ZFPM1: variants seen among roughly 807,000 people sequenced by gnomAD.
The protein encoded by ZFPM1 is zinc finger protein ZFPM1.
ZFPM1 carries 28 observed loss-of-function variants against 46.3 expected under a neutral mutation model. The observed-to-expected ratio is 0.60, with a 90% confidence interval of 0.45 to 0.83. The LOEUF is 0.83. Ranked by LOEUF, ZFPM1 falls within the 40% of genes least tolerant of loss-of-function variation. The pLI, the probability that ZFPM1 is intolerant of heterozygous loss-of-function variation, is 0.00. For missense variants in ZFPM1, 1,878 were observed against 1,432.4 expected, an observed-to-expected ratio of 1.31 and a Z score of -5.02; for synonymous variants, 957 against 675.9, an observed-to-expected ratio of 1.42 and a Z score of -6.45.
chr16:88,528,131 TGAA>T lies in ZFPM1; in HGVS notation c.610_612del (p.Lys204del), dbSNP rs10606433. 34,756 of 1,600,960 alleles carry T rather than the reference TGAA, an allele frequency of 0.022. 1,021 individuals are homozygous for T. Among genetic ancestry groups the T allele is most frequent in the African/African-American group, 0.14 (10,597 of 74,732 alleles). On this transcript the variant is annotated inframe_deletion, in exon 6 of 10. Transcript: ENST00000319555. ...CCCCACAGCACCCCCGGCCACCCTGTGAAGAAGGAGCCAGCAGAGCCCACGTGC... is the reference window on the plus strand; with the variant it reads ...CCCCACAGCACCCCCGGCCACCCTGTGAAGGAGCCAGCAGAGCCCACGTGC...
Position 88,534,523 on chromosome 16 carries a change from C to G in ZFPM1, c.2565C>G (p.Ala855=). The G allele has an allele frequency of 7.1e-7, 1 of 1,416,382 alleles. No individual in the cohort carries two copies. Among genetic ancestry groups the G allele is most frequent in the East Asian group, 3.1e-5 (1 of 31,748 alleles). 87.7% of individuals were successfully genotyped at this position (1,416,382 alleles called of 1,614,324 possible). Reference sequence around the variant, plus strand: ...GCGCGCTCGGCCTGCCCGCCGCCGCCTGCCCCTACTGCCCCCCGAACGGCC... The same window carrying G: ...GCGCGCTCGGCCTGCCCGCCGCCGCGTGCCCCTACTGCCCCCCGAACGGCC... ...PPGALGLPAA[A]CPYCPPNGPV... The change falls in exon 10 of 10, where the codon GCC becomes GCG. Residue 855 remains alanine, a synonymous_variant. Transcript: ENST00000319555.
chr16:88,452,984 A>C (rs1452791264), upstream of ZFPM1, among the ~76,000 whole-genome samples: 1 of 149,960 alleles, frequency 6.7e-6, no homozygotes, highest in Admixed American at 6.6e-5. Context: ...GGGGCGGGGC[A>C]TCGAGCGGGG....
chr16:88,488,378 G>A (rs568492149), intron 2 of ZFPM1, among the ~76,000 whole-genome samples: 14 of 152,368 alleles, frequency 9.2e-5, no homozygotes, highest in South Asian at 4.1e-4. Context: ...GGCGATGGGC[G>A]CGATAACACA....
intron 1 of ZFPM1, among the ~76,000 whole-genome samples, chr16:88,465,155 C>T (rs976390513): frequency 3.3e-5 from 5 of 152,244 alleles, no homozygotes; most frequent in African/African-American, 4.8e-5. Context: ...TACACCGCAG[C>T]GGCCTCTGCA....
chr16:88,488,929 C>G, intron 2 of ZFPM1, 102 bp from the exon 3 acceptor site: 1 of 1,501,996 alleles, frequency 6.7e-7, no homozygotes, highest in Non-Finnish European at 8.9e-7. Context: ...CCCGAGCTCC[C>G]CAACCCGGCG....
At chr16:88,495,311 C>A (rs1349538427) in intron 3 of ZFPM1, among the ~76,000 whole-genome samples, 1 of 152,184 alleles carries the variant, frequency 6.6e-6, no homozygotes, top group Non-Finnish European at 1.5e-5. Context: ...GGGGGCTGGA[C>A]CCTGGAGTGT....
chr16:88,521,240 ATGCTGTTCCCTCCTCCG>A (rs1369308279), intron 4 of ZFPM1, among the ~76,000 whole-genome samples: 2 of 149,764 alleles, frequency 1.3e-5, no homozygotes, highest in African/African-American at 4.9e-5. Flanking sequence ...CCCCGCCTCC[ATGCTGTTCCCTCCTCCG>A]TGCTGTGAAA....
chr16:88,489,694 T>G (rs1909448221), intron 3 of ZFPM1, among the ~76,000 whole-genome samples: 1 of 152,204 alleles, frequency 6.6e-6, no homozygotes, highest in Non-Finnish European at 1.5e-5. Flanking sequence ...AGAGGGTGGT[T>G]TGGTGACTCT....
chr16:88,459,102 C>T (rs1309615464), intron 1 of ZFPM1, among the ~76,000 whole-genome samples: 3 of 152,312 alleles, frequency 2.0e-5, no homozygotes, highest in Admixed American at 2.0e-4. Context: ...TCCTCTGTGG[C>T]TCCTTTTGGC....
At chr16:88,500,329 C>T (rs542570372) in intron 3 of ZFPM1, among the ~76,000 whole-genome samples, 6 of 152,366 alleles carry the variant, frequency 3.9e-5, no homozygotes, top group East Asian at 3.9e-4. Flanking sequence ...CTGGTGGCCT[C>T]GTCAGGAAGA....
chr16:88,534,881 T>G lies in ZFPM1; in HGVS notation c.2923T>G (p.Tyr975Asp). 1 of 1,568,340 alleles carries G rather than the reference T, an allele frequency of 6.4e-7. No homozygotes were observed. Among genetic ancestry groups the G allele is most frequent in the South Asian group, 1.2e-5 (1 of 86,930 alleles). Residue 975 changes from tyrosine to aspartate, a missense_variant, in exon 10 of 10, where the codon TAC (tyrosine) becomes GAC (aspartate). Tyr to Asp is a radical substitution (Grantham distance 160, BLOSUM62 -3). Transcript: ENST00000319555. ...GCCGCTGCCCAACGGCAACCACCGG[T>G]ACTGCCGTCTTTGCAACATCAAGTT... ...PAPLPNGNHR[Y>D]CRLCNIKFSS...
intron 4 of ZFPM1, among the ~76,000 whole-genome samples, chr16:88,521,007 G>C (rs917872358): frequency 3.2e-5 from 4 of 124,406 alleles, no homozygotes; most frequent in African/African-American, 1.3e-4. Context: ...TGGGTGGGTG[G>C]ATGGATGATT....
intron 1 of ZFPM1, among the ~76,000 whole-genome samples, chr16:88,465,687 C>T (rs1432118662): frequency 2.6e-5 from 4 of 152,206 alleles, no homozygotes; most frequent in Admixed American, 6.5e-5. Context: ...CCTGTGTGCT[C>T]CCCGGCTTGG....
chr16:88,531,619 C>G (rs1912790477), intron 6 of ZFPM1, among the ~76,000 whole-genome samples: 1 of 152,188 alleles, frequency 6.6e-6, no homozygotes, highest in Admixed American at 6.5e-5. Context: ...ACACACGTTT[C>G]CTCTTCCACG....
At chr16:88,520,945 G>A (rs1389409520) in intron 4 of ZFPM1, among the ~76,000 whole-genome samples, 2 of 129,738 alleles carry the variant, frequency 1.5e-5, no homozygotes, top group East Asian at 4.9e-4. Context: ...GGATGATTAG[G>A]TGGGTGGGTG....
intron 3 of ZFPM1, among the ~76,000 whole-genome samples, chr16:88,511,481 C>T (rs1179485770): frequency 6.6e-6 from 1 of 151,334 alleles, no homozygotes; most frequent in East Asian, 1.9e-4. Flanking sequence ...CTGTGTCTTC[C>T]TGCCCATTCC....
At chr16:88,529,528 C>A (rs1185063136) in intron 6 of ZFPM1, among the ~76,000 whole-genome samples, 1 of 152,198 alleles carries the variant, frequency 6.6e-6, no homozygotes, top group Non-Finnish European at 1.5e-5. Context: ...CATCAAGACA[C>A]CTGCTACATG....
intron 3 of ZFPM1, among the ~76,000 whole-genome samples, chr16:88,505,456 T>A (rs894483827): frequency 6.6e-6 from 1 of 152,072 alleles, no homozygotes; most frequent in Non-Finnish European, 1.5e-5. Context: ...GGGCTGACAG[T>A]CCAGCAGGAA....
At position 88,469,099 on chromosome 16, in the gene ZFPM1, C is replaced by G. The variant is rs1397825289; in HGVS notation, c.40+15421C>G. 6.5e-6 allele frequency: 1 copy of G among 154,246 alleles called. No homozygotes were observed. Among genetic ancestry groups the G allele is most frequent in the Admixed American group, 6.5e-5 (1 of 15,282 alleles). The allele number at this position is 154,246 out of a possible 1,614,324, so 9.6% of individuals were successfully genotyped here. A position where few individuals can be genotyped will look rare whatever the true frequency, so the allele number is the denominator to read the frequency against. On this transcript the variant is annotated intron_variant, in intron 1 of 9. Coordinates refer to ENST00000319555, the MANE Select transcript of ZFPM1 (RefSeq NM_153813.3). This position sits in a 1 kb window ranked among gnomAD's most constrained non-coding sequence, Gnocchi z 4.3. ...AGATGGGAACAGCGAGTTTCACAACCCGGCAGGGACGGCCCTGGGGCCAGC... is the reference window on the plus strand; with the variant it reads ...AGATGGGAACAGCGAGTTTCACAACGCGGCAGGGACGGCCCTGGGGCCAGC...
Sources: allele counts gnomAD v4.1 joint callset (sites outside exome capture counted in the v4.1 genomes callset), GRCh38; gene constraint gnomAD v4.1.1; non-coding constraint Gnocchi (gnomAD v3.1); transcripts MANE v1.5; gene names NCBI Gene and HGNC (gene_info 2026-07-23, HGNC 2026-07-21).